The following SPMIP6 variants were observed in gnomAD, a reference collection of about 807,000 sequenced individuals.
SPMIP6 encodes the protein ciliated bronchial epithelial protein 1.
At chr9:34,381,214 G>A in the SPMIP6 span, 1 of 1,559,796 alleles carries the variant, frequency 6.4e-7, no homozygotes, top group Non-Finnish European at 8.7e-7. This position sits in a 1 kb window ranked among gnomAD's most constrained non-coding sequence, Gnocchi z 4.4. Context: ...ACAGAGTGAG[G>A]CGGAGACAAA....
chr9:34,386,543 C>T, the SPMIP6 span, among the ~76,000 whole-genome samples: 7 of 148,962 alleles, frequency 4.7e-5, no homozygotes, highest in Non-Finnish European at 7.4e-5. Flanking sequence ...GAGCTGAGAT[C>T]GTGCCACTGC....
At chr9:34,380,110 T>G in the SPMIP6 span, among the ~76,000 whole-genome samples, 2 of 152,058 alleles carry the variant, frequency 1.3e-5, no homozygotes, top group African/African-American at 4.8e-5. Context: ...CCTATGCCCT[T>G]GAGAGGGATA....
At chr9:34,396,372 T>C in the SPMIP6 span, among the ~76,000 whole-genome samples, 108 of 152,260 alleles carry the variant, frequency 7.1e-4, no homozygotes, top group African/African-American at 2.5e-3. Flanking sequence ...ATTGTGACAA[T>C]CTCCTTATCT....
chr9:34,381,934 C>T, the SPMIP6 span, among the ~76,000 whole-genome samples: 2 of 152,194 alleles, frequency 1.3e-5, no homozygotes, highest in African/African-American at 4.8e-5. The surrounding 1 kb of genome is among the most constrained non-coding windows in gnomAD (Gnocchi z 4.4). Context: ...CTTGAGTTTG[C>T]GGCCGTGGCT....
At chr9:34,379,277 T>A in the SPMIP6 span, 2 of 766,090 alleles carry the variant, frequency 2.6e-6, no homozygotes, top group Non-Finnish European at 4.6e-6. The surrounding 1 kb of genome is among the most constrained non-coding windows in gnomAD (Gnocchi z 4.2). Flanking sequence ...CTACACTTTG[T>A]CTATAGCACT....
At chr9:34,381,549 C>T in the SPMIP6 span, 2 of 1,553,528 alleles carry the variant, frequency 1.3e-6, no homozygotes, top group South Asian at 2.3e-5. This position sits in a 1 kb window ranked among gnomAD's most constrained non-coding sequence, Gnocchi z 4.4. Flanking sequence ...GCAACTTCTC[C>T]CGCCCTTCAG....
the SPMIP6 span, among the ~76,000 whole-genome samples, chr9:34,390,604 C>T: frequency 4.6e-5 from 7 of 152,126 alleles, no homozygotes; most frequent in South Asian, 2.1e-4. Flanking sequence ...TATACACTAC[C>T]GGATACGGTT....
the SPMIP6 span, among the ~76,000 whole-genome samples, chr9:34,388,910 T>C: frequency 3.3e-5 from 5 of 151,234 alleles, no homozygotes; most frequent in South Asian, 1.0e-3. Context: ...CTTCTGTCTT[T>C]ACATTTCTTT....
At chr9:34,383,530 T>C in the SPMIP6 span, among the ~76,000 whole-genome samples, 8 of 152,168 alleles carry the variant, frequency 5.3e-5, no homozygotes, top group African/African-American at 1.9e-4. Flanking sequence ...TCTCAATAAA[T>C]AGATAAATAA....
the SPMIP6 span, chr9:34,381,626 C>A: frequency 7.0e-7 from 1 of 1,436,814 alleles, no homozygotes; most frequent in Non-Finnish European, 9.1e-7. This position sits in a 1 kb window ranked among gnomAD's most constrained non-coding sequence, Gnocchi z 4.4. Context: ...ACATCGCCAA[C>A]AGGGGCGGGG....
chr9:34,386,403 G>A, the SPMIP6 span, among the ~76,000 whole-genome samples: 1 of 152,010 alleles, frequency 6.6e-6, no homozygotes, highest in African/African-American at 2.4e-5. Context: ...AGACTATCCT[G>A]GCTAACATGG....
the SPMIP6 span, among the ~76,000 whole-genome samples, chr9:34,380,163 G>T: frequency 6.6e-6 from 1 of 152,126 alleles, no homozygotes; most frequent in Non-Finnish European, 1.5e-5. Flanking sequence ...TCGGCCTGGA[G>T]AGGGGCGGGG....
the SPMIP6 span, among the ~76,000 whole-genome samples, chr9:34,383,330 C>G: frequency 6.6e-6 from 1 of 152,212 alleles, no homozygotes; most frequent in Non-Finnish European, 1.5e-5. Flanking sequence ...TCGAGACCAG[C>G]CTGGCCAACA....
chr9:34,391,402 C>G, the SPMIP6 span, among the ~76,000 whole-genome samples: 2 of 152,088 alleles, frequency 1.3e-5, no homozygotes, highest in African/African-American at 4.8e-5. Context: ...TTAACTTTTG[C>G]TCTTATTTTC....
the SPMIP6 span, among the ~76,000 whole-genome samples, chr9:34,384,289 A>G: frequency 1.3e-5 from 2 of 152,230 alleles, no homozygotes; most frequent in Admixed American, 6.5e-5. Context: ...CTTGTGTTAA[A>G]TCAAATGGCC....
the SPMIP6 span, chr9:34,380,694 T>C: frequency 6.5e-7 from 1 of 1,547,466 alleles, no homozygotes; most frequent in African/African-American, 1.4e-5. Context: ...GGAGTAACCT[T>C]CGTGCTGGTT....
the SPMIP6 span, among the ~76,000 whole-genome samples, chr9:34,387,426 C>T: frequency 6.6e-6 from 1 of 152,160 alleles, no homozygotes; most frequent in Non-Finnish European, 1.5e-5. Flanking sequence ...AGCTCCTGCA[C>T]AGTCACACTT....
At chr9:34,381,494 C>T in the SPMIP6 span, 1 of 1,613,038 alleles carries the variant, frequency 6.2e-7, no homozygotes, top group Non-Finnish European at 8.5e-7. The surrounding 1 kb of genome is among the most constrained non-coding windows in gnomAD (Gnocchi z 4.4). Flanking sequence ...CAGAGCTGCT[C>T]CCTTTTAGGG....
At chr9:34,381,349 G>T in the SPMIP6 span, 11 of 1,613,286 alleles carry the variant, frequency 6.8e-6, no homozygotes, top group Middle Eastern at 1.6e-4. This position sits in a 1 kb window ranked among gnomAD's most constrained non-coding sequence, Gnocchi z 4.4. Flanking sequence ...TCTTTCCAAC[G>T]CCCCACTACC....
Sources: gnomAD v4.1 joint callset for allele counts (sites outside exome capture counted in the v4.1 genomes callset) on GRCh38, gnomAD v4.1.1 for gene constraint, Gnocchi (gnomAD v3.1) non-coding constraint, MANE v1.5 for transcripts, NCBI Gene and HGNC (gene_info 2026-07-23, HGNC 2026-07-21) for gene names.